HTT: variants seen among roughly 807,000 people sequenced by gnomAD.
The protein encoded by HTT is huntington disease protein.
In HTT, 104 loss-of-function variants were observed where a neutral mutation model predicts 362.3. The ratio of observed to expected loss-of-function variants is 0.29; its 90% CI spans 0.24 to 0.34. The LOEUF (loss-of-function observed/expected upper bound fraction) is 0.34, where lower values mean the gene tolerates loss of function less well. Among genes scored for constraint, HTT ranks in the 10% least tolerant of loss-of-function variants. The pLI is 1.00. For missense variants in HTT, 3,301 were observed against 3,928.6 expected (o/e 0.84, Z 4.27); for synonymous variants, 1,577 against 1,548.7 (o/e 1.02, Z -0.43).
intron 26 of HTT, among the ~76,000 whole-genome samples, chr4:3,152,790 G>A (rs1176394608): frequency 1.3e-5 from 2 of 150,996 alleles, no homozygotes; most frequent in Non-Finnish European, 2.9e-5. Context: ...GGGACTACAG[G>A]CCCATGTCAC....
chr4:3,212,746 GA>G (rs1188548469), intron 49 of HTT, 37 bp downstream of exon 49: 1 of 1,611,954 alleles, frequency 6.2e-7, no homozygotes, highest in East Asian at 2.2e-5. Flanking sequence ...TTGCTGTGGG[GA>G]GGGGGCATGG....
At chr4:3,181,170 C>T (rs1481326715) in intron 36 of HTT, among the ~76,000 whole-genome samples, 2 of 152,114 alleles carry the variant, frequency 1.3e-5, no homozygotes, top group Non-Finnish European at 2.9e-5. Context: ...GCGTGAGCCA[C>T]CATGCCCAGC....
chr4:3,074,891 GCAGC>G lies in HTT; in HGVS notation c.67_70del (p.Gln23SerfsTer77). 1.4e-6 allele frequency: 2 copies of G among 1,433,240 alleles called. No homozygotes were observed. The highest frequency in any genetic ancestry group is 2.4e-4 in the Middle Eastern group (1 of 4,104). 88.8% of individuals were successfully genotyped at this position (1,433,240 alleles called of 1,614,324 possible). On this transcript the variant is annotated frameshift_variant, in exon 1 of 67. Transcript: ENST00000355072. LOFTEE classifies it high-confidence loss of function. ...TCAAGTCCTTCCAGCAGCAGCAGCA[GCAGC>G]AGCAGCAGCAGCAGCAGCAGCAGCA...
intron 6 of HTT, chr4:3,112,918 A>G (rs1560552606): frequency 2.7e-6 from 1 of 367,822 alleles, no homozygotes; most frequent in Non-Finnish European, 3.8e-6. Flanking sequence ...GGAATTGCTG[A>G]TGCTTTTACT....
chr4:3,127,761 C>G (rs1181338777), intron 12 of HTT, among the ~76,000 whole-genome samples, 157 bp downstream of exon 12: 1 of 151,838 alleles, frequency 6.6e-6, no homozygotes, highest in African/African-American at 2.4e-5. Context: ...GTCAGGAGTT[C>G]GAGACCAGCC....
chr4:3,153,693 T>C (rs1717008071), intron 26 of HTT, among the ~76,000 whole-genome samples: 1 of 151,988 alleles, frequency 6.6e-6, no homozygotes, highest in Non-Finnish European at 1.5e-5. Flanking sequence ...GAGGCTGAGA[T>C]GGGAGGATCA....
At chr4:3,127,963 C>A (rs1024042497) in intron 12 of HTT, among the ~76,000 whole-genome samples, 7 of 150,120 alleles carry the variant, frequency 4.7e-5, no homozygotes, top group Middle Eastern at 6.8e-3. Flanking sequence ...GACTCCATTT[C>A]AAAAAAAATA....
At chr4:3,208,734 A>C (rs1719991109) in intron 45 of HTT, 39 bp from the exon 46 acceptor site, 6 of 1,531,544 alleles carry the variant, frequency 3.9e-6, no homozygotes, top group African/African-American at 2.9e-5. Flanking sequence ...AAAAAAAAAA[A>C]CAAATTATAC....
chr4:3,157,034 G>T lies in HTT; in HGVS notation c.3626-38G>T. Reference sequence around the variant, plus strand: ...TCTTTAAAACTTGGCAAGTTATTTTGATCTAAAAGTTTATCTTTTGTGTGC... The same window carrying T: ...TCTTTAAAACTTGGCAAGTTATTTTTATCTAAAAGTTTATCTTTTGTGTGC... On this transcript the variant is annotated intron_variant, in intron 27 of 66. Transcript: ENST00000355072. 3.2e-6 allele frequency: 5 copies of T among 1,543,608 alleles called. No individual in the cohort carries two copies. In the South Asian group the frequency reaches 4.9e-5, roughly 15 times the overall value.
In HTT at chr4:3,207,412, A is replaced by T. The variant is rs363110; in HGVS notation, c.6152+55A>T. 4 of 1,392,882 alleles carry T rather than the reference A, an allele frequency of 2.9e-6. No individual in the cohort carries two copies. In the East Asian group the frequency reaches 9.6e-5, roughly 33 times the overall value. 86.3% of individuals were successfully genotyped at this position (1,392,882 alleles called of 1,614,324 possible). A position where few individuals can be genotyped will look rare whatever the true frequency, so the allele number is the denominator to read the frequency against. ...GTTAGGACAACCCAGGATATAAAGGATATAGATTTGTACGGGAATAAATTC... is the reference window on the plus strand; with the variant it reads ...GTTAGGACAACCCAGGATATAAAGGTTATAGATTTGTACGGGAATAAATTC... On this transcript the variant is annotated intron_variant, in intron 45 of 66. Transcript: ENST00000355072.
In HTT at chr4:3,243,020, G is replaced by A. The variant is rs1231043405; in HGVS notation, c.*2961G>A. 6.6e-6 allele frequency: 1 copy of A among 152,438 alleles called. No homozygotes were observed. Among genetic ancestry groups the A allele is most frequent in the East Asian group, 1.9e-4 (1 of 5,184 alleles). 9.4% of individuals were successfully genotyped at this position (152,438 alleles called of 1,614,324 possible). A position where few individuals can be genotyped will look rare whatever the true frequency, so the allele number is the denominator to read the frequency against. Reference sequence around the variant, plus strand: ...CACCCAGAATGTAGCATCTGAGAAGGCCCTGTGCCCTAAAGGACACCCCTC... The same window carrying A: ...CACCCAGAATGTAGCATCTGAGAAGACCCTGTGCCCTAAAGGACACCCCTC... On this transcript the variant is annotated 3_prime_UTR_variant, in exon 67 of 67. Coordinates refer to ENST00000355072, the MANE Select transcript of HTT (RefSeq NM_001388492.1).
At chr4:3,235,228 G>A in intron 61 of HTT, 56 bp from the exon 62 acceptor site, 1 of 1,215,034 alleles carries the variant, frequency 8.2e-7, no homozygotes, top group Non-Finnish European at 1.2e-6. Flanking sequence ...ATGCTGTGAA[G>A]CCCTCTCCAC....
In HTT at chr4:3,132,816, A is replaced by G. The variant is rs1715888166; in HGVS notation, c.2398A>G (p.Asn800Asp). The G allele has an allele frequency of 1.2e-6, 2 of 1,614,058 alleles. No individual in the cohort carries two copies. Among genetic ancestry groups the G allele is most frequent in the Non-Finnish European group, 1.7e-6 (2 of 1,179,856 alleles). The change falls in exon 18 of 67, where the codon AAT becomes GAT. Residue 800 changes from asparagine to aspartate, a missense_variant and splice_region_variant. Around this residue, in one of 4 missense-constraint regions of HTT, gnomAD observed 2,316 missense variants for 2,658.5 expected, o/e 0.87. Transcript: ENST00000355072. ...WMGTIRTLTG[N>D]TFSLADCIPL... ...TTGTTGCTTGTTCTTCTGGTTAGGAAATACATTTTCTTTGGCGGATTGCAT... is the reference window on the plus strand; with the variant it reads ...TTGTTGCTTGTTCTTCTGGTTAGGAGATACATTTTCTTTGGCGGATTGCAT...
At chr4:3,101,824 C>T (rs866650650) in intron 3 of HTT, among the ~76,000 whole-genome samples, 2 of 152,142 alleles carry the variant, frequency 1.3e-5, no homozygotes, top group East Asian at 3.9e-4. Flanking sequence ...TCACCACCAC[C>T]GTCAAGAGGC....
rs1314148806 is a variant in HTT at position 3,235,371 on chromosome 4, G to T, written c.8544G>T (p.Gly2848=). Residue 2848 remains glycine (G), a synonymous_variant, in exon 62 of 67, where the codon GGG becomes GGT. Transcript: ENST00000355072. The part of the protein sequence containing the change: ...YLIENYPLDV[G]PEFSASIIQM... ...TTGAGAACTATCCTCTGGACGTAGG[G>T]CCGGAATTTTCAGCATCAATAATAC... 2 of 1,613,154 alleles carry T rather than the reference G, an allele frequency of 1.2e-6. No individual in the cohort carries two copies. The highest frequency in any genetic ancestry group is 1.3e-5 in the African/African-American group (1 of 74,924).
At chr4:3,133,155 G>A (rs1715900828) in intron 18 of HTT, among the ~76,000 whole-genome samples, 1 of 151,900 alleles carries the variant, frequency 6.6e-6, no homozygotes, top group African/African-American at 2.4e-5. Flanking sequence ...CTTCCTAAAG[G>A]ATATATTTAG....
chr4:3,080,478 A>G (rs1712834988), intron 1 of HTT, among the ~76,000 whole-genome samples: 1 of 152,098 alleles, frequency 6.6e-6, no homozygotes. Context: ...GAATTGTAAT[A>G]GTTCTTTATA....
chr4:3,215,439 TA>T (rs1720352761), intron 51 of HTT, among the ~76,000 whole-genome samples: 1 of 152,140 alleles, frequency 6.6e-6, no homozygotes. Flanking sequence ...TCTCTGACCC[TA>T]CAGACCAGCT....
chr4:3,115,359 G>A lies in HTT; in HGVS notation c.803G>A (p.Arg268Gln). 6.2e-7 allele frequency: 1 copy of A among 1,614,014 alleles called. No homozygotes were observed. Among genetic ancestry groups the A allele is most frequent in the Non-Finnish European group, 8.5e-7 (1 of 1,179,920 alleles). Residue 268 changes from arginine (R) to glutamine (Q), a missense_variant, in exon 7 of 67, where the codon CGG becomes CAG. Transcript: ENST00000355072. ...AAGTCAAGCTCCCCCACCATTCGGC[G>A]GACAGCGGCTGGATCAGCAGTGAGC... ...NLKSSSPTIR[R>Q]TAAGSAVSIC...
Sources: allele counts gnomAD v4.1 joint callset (sites outside exome capture counted in the v4.1 genomes callset), GRCh38; gene constraint gnomAD v4.1.1; regional missense constraint gnomAD v4.1.1; transcripts MANE v1.5; gene names NCBI Gene and HGNC (gene_info 2026-07-23, HGNC 2026-07-21).